Variants in NUDT5 observed in about 807,000 individuals in gnomAD.
NUDT5 encodes the protein ADP-sugar pyrophosphatase.
In NUDT5, 21 loss-of-function variants were observed where a neutral mutation model predicts 34.1. The observed-to-expected ratio is 0.62, with a 90% CI of 0.44 to 0.89. The LOEUF is 0.89. Among genes scored for constraint, NUDT5 ranks in the 40% least tolerant of loss-of-function variants. The pLI is 0.00. For missense variants in NUDT5, 249 were observed against 274.8 expected (o/e 0.91, Z 0.66); for synonymous variants, 85 against 97.6 (o/e 0.87, Z 0.76).
Position 12,182,985 on chromosome 10 carries a change from C to T in NUDT5, c.131+1904G>A, listed in dbSNP as rs1835068875. Among the ~76,000 whole-genome samples the T allele has an allele frequency of 6.6e-6, 1 of 152,210 alleles. No homozygotes were observed. The highest frequency in any genetic ancestry group is 1.5e-5 in the Non-Finnish European group (1 of 68,032). Reference sequence around the variant, plus strand: ...CTCTTGACCTCAAGTGATCCACCCACCTTGGCCTCCCAAAGTAATGGGATT... The same window carrying T: ...CTCTTGACCTCAAGTGATCCACCCATCTTGGCCTCCCAAAGTAATGGGATT... On this transcript the variant is annotated intron_variant, in intron 3 of 9. Coordinates refer to ENST00000491614, the MANE Select transcript of NUDT5 (RefSeq NM_014142.4). The surrounding 1 kb of genome is among the most constrained non-coding windows in gnomAD (Gnocchi z 4.3).
intron 5 of NUDT5, among the ~76,000 whole-genome samples, chr10:12,177,468 G>A (rs534359618): frequency 1.4e-4 from 21 of 152,228 alleles, no homozygotes; most frequent in East Asian, 3.9e-4. Context: ...GCAGTGAGCC[G>A]AGATCGTGCC....
At chr10:12,179,224 ATGC>A (rs1835006606) in intron 3 of NUDT5, 92 bp from the exon 4 acceptor site, 2 of 913,872 alleles carry the variant, frequency 2.2e-6, no homozygotes, top group East Asian at 2.4e-5. Context: ...CTTAAATGCA[ATGC>A]ATGCAAATGT....
chr10:12,189,578 A>T (rs1262325981), intron 1 of NUDT5, among the ~76,000 whole-genome samples: 1 of 152,234 alleles, frequency 6.6e-6, no homozygotes, highest in Non-Finnish European at 1.5e-5. Context: ...AAATTTTTAG[A>T]AACAGAAAAG....
rs531110044 is a variant in NUDT5 at position 12,170,105 on chromosome 10, G to A, written c.550+612C>T. 27 of 1,611,540 alleles carry A rather than the reference G, an allele frequency of 1.7e-5. No individual in the cohort carries two copies. The highest frequency in any genetic ancestry group is 1.7e-4 in the Middle Eastern group (1 of 6,058). On this transcript the variant is annotated intron_variant, in intron 9 of 9. Transcript: ENST00000491614. This position sits in a 1 kb window ranked among gnomAD's most constrained non-coding sequence, Gnocchi z 4.9. The stretch of plus-strand genomic sequence containing the variant: ...ATGTCTCCATACAGTATCTCCTCTC[G>A]TGGTTTTATCAAAGGACTTTTCTCC...
In NUDT5 at chr10:12,170,868, C is replaced by T; in HGVS notation, c.496+32G>A. ...GCCATCACCACTACACTAAGTCATACACGCTCGGCCACCAGGAGTTGCAGA... is the reference window on the plus strand; with the variant it reads ...GCCATCACCACTACACTAAGTCATATACGCTCGGCCACCAGGAGTTGCAGA... On this transcript the variant is annotated intron_variant, in intron 8 of 9. Coordinates refer to ENST00000491614, the MANE Select transcript of NUDT5 (RefSeq NM_014142.4). The surrounding 1 kb of genome is among the most constrained non-coding windows in gnomAD (Gnocchi z 4.9). The T allele has an allele frequency of 6.2e-7, 1 of 1,613,906 alleles. No individual in the cohort carries two copies.
chr10:12,185,267 A>G (rs772933040), intron 2 of NUDT5, among the ~76,000 whole-genome samples: 42 of 152,206 alleles, frequency 2.8e-4, no homozygotes, highest in Non-Finnish European at 5.6e-4. Flanking sequence ...AAGGGAGCAC[A>G]TGGGGTGAGG....
At chr10:12,186,421 CAA>C (rs1471560286) in intron 1 of NUDT5, 89 bp from the exon 2 acceptor site, 1 of 704,482 alleles carries the variant, frequency 1.4e-6, no homozygotes, top group African/African-American at 1.8e-5. Context: ...ACTTAAACGG[CAA>C]AAAATTCATC....
intron 1 of NUDT5, among the ~76,000 whole-genome samples, chr10:12,192,707 T>C (rs1835253860): frequency 6.6e-6 from 1 of 152,024 alleles, no homozygotes; most frequent in Non-Finnish European, 1.5e-5. Context: ...AAAAATTAGC[T>C]GGGTGAGGTG....
In NUDT5 at chr10:12,170,571, G is replaced by C; in HGVS notation, c.550+146C>G. Reference sequence around the variant, plus strand: ...CACCCAGAAAGGAAAATTAGTAGTGGTCACCTGCAGTTTTACAAGTTGCTA... The same window carrying C: ...CACCCAGAAAGGAAAATTAGTAGTGCTCACCTGCAGTTTTACAAGTTGCTA... On this transcript the variant is annotated intron_variant, in intron 9 of 9. Coordinates refer to ENST00000491614, the MANE Select transcript of NUDT5 (RefSeq NM_014142.4). This position sits in a 1 kb window ranked among gnomAD's most constrained non-coding sequence, Gnocchi z 4.9. 2.5e-6 allele frequency: 2 copies of C among 786,338 alleles called. No homozygotes were observed. Among genetic ancestry groups the C allele is most frequent in the Non-Finnish European group, 4.3e-6 (2 of 464,080 alleles). 48.7% of individuals were successfully genotyped at this position (786,338 alleles called of 1,614,324 possible). A position where few individuals can be genotyped will look rare whatever the true frequency, so the allele number is the denominator to read the frequency against.
At chr10:12,177,376 G>A (rs571799130) in intron 5 of NUDT5, among the ~76,000 whole-genome samples, 15 of 151,556 alleles carry the variant, frequency 9.9e-5, no homozygotes, top group South Asian at 2.1e-4. Flanking sequence ...AAAATTAGCC[G>A]GGCGTGGTGG....
At position 12,169,285 on chromosome 10, in the gene NUDT5, G is replaced by C; in HGVS notation, c.550+1432C>G. ...CAAAAGTGAAGTTAAGAAGGTGGAA[G>C]GGAGAAGGAAGACATTTTACAAAAA... On this transcript the variant is annotated intron_variant, in intron 9 of 9. Coordinates refer to ENST00000491614, the MANE Select transcript of NUDT5 (RefSeq NM_014142.4). The surrounding 1 kb of genome is among the most constrained non-coding windows in gnomAD (Gnocchi z 4.8). 5.1e-6 allele frequency: 8 copies of C among 1,553,918 alleles called. No individual in the cohort carries two copies. Among genetic ancestry groups the C allele is most frequent in the Non-Finnish European group, 7.0e-6 (8 of 1,147,532 alleles).
intron 3 of NUDT5, among the ~76,000 whole-genome samples, chr10:12,183,186 G>A (rs1034685864): frequency 3.3e-5 from 5 of 152,200 alleles, no homozygotes; most frequent in Non-Finnish European, 7.3e-5. Context: ...TTGAACATAT[G>A]GTGCTCCCTA....
rs1362470657 is a variant in NUDT5, at chr10:12,175,224, G to A, written c.290-1411C>T. Among the ~76,000 whole-genome samples the A allele has an allele frequency of 3.9e-5, 6 of 152,190 alleles. No individual in the cohort carries two copies. On this transcript the variant is annotated intron_variant, in intron 5 of 9. Transcript: ENST00000491614. This position sits in a 1 kb window ranked among gnomAD's most constrained non-coding sequence, Gnocchi z 4.8. ...TATTCCAGCTACGCGGGAGGCTGAG[G>A]CAGGAGAATCGCTTGACCCTGTTAG...
At position 12,173,792 on chromosome 10, in the gene NUDT5, G is replaced by A. The variant is rs1303598864; in HGVS notation, c.311C>T (p.Thr104Ile). The change falls in exon 6 of 10, where the codon ACC (threonine) becomes ATC (isoleucine). Residue 104 changes from threonine (T) to isoleucine (I), a missense_variant. Thr to Ile is a moderately conservative substitution (Grantham distance 89). Coordinates refer to ENST00000491614, the MANE Select transcript of NUDT5 (RefSeq NM_014142.4). The surrounding 1 kb of genome is among the most constrained non-coding windows in gnomAD (Gnocchi z 4.7). ...CTCCCGGAGAGCAGCTGCTTCTGGG[G>A]TTTCACCATCATCTATGAGACCTGC... ...FPAGLIDDGE[T>I]PEAAALRELE... is the part of the protein sequence containing the mutation. 1 of 1,613,804 alleles carries A rather than the reference G, an allele frequency of 6.2e-7. No homozygotes were observed. The highest frequency in any genetic ancestry group is 8.5e-7 in the Non-Finnish European group (1 of 1,179,778).
chr10:12,190,600 T>C (rs1302789098), intron 1 of NUDT5, among the ~76,000 whole-genome samples: 1 of 147,206 alleles, frequency 6.8e-6, no homozygotes, highest in African/African-American at 2.5e-5. Flanking sequence ...AGGAAAATGA[T>C]AAAGCCTTTT....
intron 1 of NUDT5, among the ~76,000 whole-genome samples, chr10:12,188,562 C>T (rs1406898420): frequency 6.6e-6 from 1 of 151,978 alleles, no homozygotes; most frequent in Non-Finnish European, 1.5e-5. Context: ...GAAACCCTGT[C>T]TCTACTAAAA....
At chr10:12,192,542 T>C (rs1297505610) in intron 1 of NUDT5, among the ~76,000 whole-genome samples, 1 of 152,174 alleles carries the variant, frequency 6.6e-6, no homozygotes, top group African/African-American at 2.4e-5. Context: ...TTAAAAATTT[T>C]TAAATTCTAT....
intron 2 of NUDT5, among the ~76,000 whole-genome samples, chr10:12,185,170 T>TGGTGGTAGTAGTTAACA (rs1835105465): frequency 1.3e-5 from 2 of 151,866 alleles, no homozygotes; most frequent in Admixed American, 1.3e-4. Flanking sequence ...TGAAATTTCT[T>TGGTGGTAGTAGTTAACA]GGTGGTAGTA....
rs975875312 is a variant in NUDT5, at chr10:12,168,182, G to A, written c.551-371C>T. 5.3e-5 allele frequency among the ~76,000 whole-genome samples: 8 copies of A among 151,984 alleles called. No individual in the cohort carries two copies. The highest frequency in any genetic ancestry group is 2.6e-4 in the Admixed American group (4 of 15,258). On this transcript the variant is annotated intron_variant, in intron 9 of 9. Coordinates refer to ENST00000491614, the MANE Select transcript of NUDT5 (RefSeq NM_014142.4). The surrounding 1 kb of genome is among the most constrained non-coding windows in gnomAD (Gnocchi z 4.8). ...TGGGACTATAGGCGCACGCCACCAC[G>A]CCCAGCTAATTTTTGTATTTTTAGT...
Sources: gnomAD v4.1 joint callset for allele counts (sites outside exome capture counted in the v4.1 genomes callset) on GRCh38, gnomAD v4.1.1 for gene constraint, Gnocchi (gnomAD v3.1) non-coding constraint, MANE v1.5 for transcripts, NCBI Gene and HGNC (gene_info 2026-07-23, HGNC 2026-07-21) for gene names.